The following CNBD2 variants were observed in gnomAD, a reference collection of about 807,000 sequenced individuals.
CNBD2 encodes cyclic nucleotide-binding domain-containing protein 2.
Under a neutral mutation model 63.7 loss-of-function variants are expected in CNBD2, and 64 were observed. The ratio of observed to expected loss-of-function variants is 1.00; its 90% CI spans 0.82 to 1.24. The LOEUF (loss-of-function observed/expected upper bound fraction) is 1.24. Among genes scored for constraint, CNBD2 ranks in the 50% most tolerant of loss-of-function variants. CNBD2 has a pLI of 0.00. For synonymous variants in CNBD2, 229 were observed against 255.4 expected, an observed-to-expected ratio of 0.90 and a Z score of 0.99; for missense variants, 691 against 713.5, an observed-to-expected ratio of 0.97 and a Z score of 0.36.
intron 10 of CNBD2, 79 bp downstream of exon 10, chr20:36,011,336 T>C (rs915628743): frequency 1.6e-5 from 22 of 1,356,552 alleles, no homozygotes; most frequent in Non-Finnish European, 9.7e-7. Flanking sequence ...ACAGTAAAGG[T>C]TTAAAAACAC....
upstream of CNBD2, among the ~76,000 whole-genome samples, chr20:35,965,344 G>C (rs1245133216): frequency 6.6e-6 from 1 of 151,898 alleles, no homozygotes; most frequent in Non-Finnish European, 1.5e-5. Flanking sequence ...CACTGGGCTA[G>C]TTTTTGTATT....
chr20:36,008,199 ATC>A (rs757098276), intron 8 of CNBD2, 96 bp from the exon 9 acceptor site: 216 of 1,003,300 alleles, frequency 2.2e-4, no homozygotes, highest in Non-Finnish European at 2.8e-4. Flanking sequence ...GTGCTAGACC[ATC>A]CAGGCAGGTT....
At chr20:35,985,805 T>C (rs2056660197) in intron 6 of CNBD2, among the ~76,000 whole-genome samples, 1 of 152,160 alleles carries the variant, frequency 6.6e-6, no homozygotes, top group South Asian at 2.1e-4. Flanking sequence ...TAATTCTTGA[T>C]TGCATGGTAA....
chr20:35,986,863 C>T (rs921283268), intron 6 of CNBD2, among the ~76,000 whole-genome samples: 1 of 152,182 alleles, frequency 6.6e-6, no homozygotes, highest in African/African-American at 2.4e-5. Flanking sequence ...TGGGTTCACC[C>T]ACAGGGAGCA....
upstream of CNBD2, among the ~76,000 whole-genome samples, chr20:35,964,426 T>C (rs1234136575): frequency 1.3e-5 from 2 of 151,970 alleles, no homozygotes; most frequent in African/African-American, 4.8e-5. Context: ...AGTCTATCTC[T>C]GTCACCCAGG....
At chr20:36,009,275 C>T (rs2057025264) in intron 9 of CNBD2, among the ~76,000 whole-genome samples, 1 of 151,480 alleles carries the variant, frequency 6.6e-6, no homozygotes, top group Non-Finnish European at 1.5e-5. Context: ...GATCTCTGCT[C>T]ACTGTAAGCT....
chr20:35,987,317 A>G (rs1258261083), intron 6 of CNBD2, 78 bp from the exon 7 acceptor site: 1 of 1,516,200 alleles, frequency 6.6e-7, no homozygotes, highest in African/African-American at 1.4e-5. Flanking sequence ...GGAGAAGAGT[A>G]TGTGCCCTCT....
chr20:35,965,260 C>T (rs1164016342), upstream of CNBD2, among the ~76,000 whole-genome samples: 1 of 151,236 alleles, frequency 6.6e-6, no homozygotes, highest in Non-Finnish European at 1.5e-5. Flanking sequence ...TCACTGCAAC[C>T]TGCGCCTCCC....
At chr20:35,993,953 C>T (rs1445458848) in intron 7 of CNBD2, among the ~76,000 whole-genome samples, 1 of 148,566 alleles carries the variant, frequency 6.7e-6, no homozygotes, top group Non-Finnish European at 1.5e-5. Context: ...TGGCTCATGG[C>T]AACCTCCGCC....
intron 2 of CNBD2, 51 bp from the exon 3 acceptor site, chr20:35,975,898 T>C (rs774423346): frequency 3.6e-5 from 56 of 1,543,486 alleles, no homozygotes; most frequent in Non-Finnish European, 4.7e-5. Context: ...TGCAAAGTTC[T>C]AGGGGCAGTC....
chr20:35,980,477 G>A lies in CNBD2; in HGVS notation c.262G>A (p.Ala88Thr), dbSNP rs200610110. ...IAEEGHFPPKAIQIMQKKPSW... is the reference protein window; with the variant it reads ...IAEEGHFPPKTIQIMQKKPSW... ...TCCCCAGGGTCACTTTCCTCCAAAG[G>A]CCATTCAGATCATGCAGAAGAAGCC... The change falls in exon 4 of 12, where the codon GCC (alanine) becomes ACC (threonine). Residue 88 changes from alanine (A) to threonine (T), a missense_variant. Transcript: ENST00000373973. 8 of 1,614,170 alleles carry A rather than the reference G, an allele frequency of 5.0e-6. No homozygotes were observed. In the Admixed American group the frequency reaches 6.7e-5, roughly 13 times the overall value.
intron 1 of CNBD2, among the ~76,000 whole-genome samples, chr20:35,969,754 A>G (rs529909794): frequency 2.0e-5 from 3 of 152,282 alleles, no homozygotes; most frequent in African/African-American, 4.8e-5. Context: ...GTTACACACA[A>G]TGTTGCCATG....
upstream of CNBD2, among the ~76,000 whole-genome samples, chr20:35,966,105 C>T (rs2147183059): frequency 6.6e-6 from 1 of 152,222 alleles, no homozygotes; most frequent in African/African-American, 2.4e-5. Context: ...TTCAGAAGCC[C>T]CCTACACTTT....
chr20:36,011,005 C>A, intron 9 of CNBD2, 132 bp from the exon 10 acceptor site: 2 of 966,552 alleles, frequency 2.1e-6, no homozygotes, highest in Non-Finnish European at 2.8e-6. Flanking sequence ...TGAGTTTTCT[C>A]GCCTTCTGGG....
intron 5 of CNBD2, 120 bp from the exon 6 acceptor site, chr20:35,984,501 TAGGGAA>T: frequency 1.0e-6 from 1 of 986,696 alleles, no homozygotes. Flanking sequence ...TAGAGGAGGC[TAGGGAA>T]CACACAGTCT....
chr20:35,986,343 A>G (rs1173118894), intron 6 of CNBD2, among the ~76,000 whole-genome samples: 4 of 151,204 alleles, frequency 2.6e-5, no homozygotes, highest in South Asian at 4.2e-4. Flanking sequence ...TTTTTTTTCC[A>G]TACTGTGGAA....
intron 2 of CNBD2, chr20:35,974,987 T>A (rs918955718): frequency 5.3e-5 from 8 of 151,172 alleles, no homozygotes; most frequent in Non-Finnish European, 8.8e-5. Flanking sequence ...TTCTTTTTTT[T>A]ATTTTTTTTA....
At chr20:36,001,971 C>T (rs1373988460) in intron 8 of CNBD2, among the ~76,000 whole-genome samples, 10 of 151,756 alleles carry the variant, frequency 6.6e-5, no homozygotes, top group South Asian at 2.1e-4. Context: ...CAGGCAGAGA[C>T]GCTCCTCACT....
intron 8 of CNBD2, among the ~76,000 whole-genome samples, chr20:36,000,815 G>A (rs1472264726): frequency 1.3e-5 from 2 of 150,520 alleles, no homozygotes; most frequent in African/African-American, 4.9e-5. Flanking sequence ...ATTTGGCAGG[G>A]TCATAGGACA....
Sources: allele counts gnomAD v4.1 joint callset (sites outside exome capture counted in the v4.1 genomes callset), GRCh38; gene constraint gnomAD v4.1.1; transcripts MANE v1.5; gene names NCBI Gene and HGNC (gene_info 2026-07-23, HGNC 2026-07-21).